The following CTNNA2 variants were observed in gnomAD, a reference collection of about 807,000 sequenced individuals.
CTNNA2 encodes the protein catenin alpha 2.
Under a neutral mutation model 101.0 loss-of-function variants are expected in CTNNA2, and 42 were observed. The ratio of observed to expected loss-of-function variants is 0.42; its 90% CI spans 0.32 to 0.54. The LOEUF is 0.54. CTNNA2 is among the 20% of genes least tolerant of loss of function. CTNNA2 has a pLI of 0.14. For synonymous variants in CTNNA2, 450 were observed against 456.4 expected, an observed-to-expected ratio of 0.99 and a Z score of 0.18; for missense variants, 871 against 1,223.1, an observed-to-expected ratio of 0.71 and a Z score of 4.29.
In CTNNA2 at chr2:79,662,952, C is replaced by T. The variant is rs561472743; in HGVS notation, c.102+11294C>T. Among the ~76,000 whole-genome samples, 53 of 152,288 alleles carry T rather than the reference C, an allele frequency of 3.5e-4. 1 individual carries two copies. The highest frequency in any genetic ancestry group is 1.2e-3 in the African/African-American group (51 of 41,568). Reference sequence around the variant, plus strand: ...TCCTGGCCTAGCCTTTAAATGTTCACGCTGTTCAGGCCTCCGACTTGGTTG... The same window carrying T: ...TCCTGGCCTAGCCTTTAAATGTTCATGCTGTTCAGGCCTCCGACTTGGTTG... On this transcript the variant is annotated intron_variant, in intron 2 of 18. Coordinates refer to ENST00000402739, the MANE Select transcript of CTNNA2 (RefSeq NM_001282597.3).
chr2:80,338,296 C>CTTTT (rs201060579), intron 7 of CTNNA2, among the ~76,000 whole-genome samples: 5 of 125,630 alleles, frequency 4.0e-5, no homozygotes, highest in Admixed American at 7.8e-5. Context: ...GCCTTTTTTT[C>CTTTT]TTTTTCTTTT....
intron 7 of CTNNA2, among the ~76,000 whole-genome samples, chr2:80,134,440 C>T (rs963501600): frequency 3.9e-5 from 6 of 152,258 alleles, no homozygotes; most frequent in African/African-American, 1.4e-4. Context: ...ATGCAACCCG[C>T]TAATGACCCA....
intron 12 of CTNNA2, among the ~76,000 whole-genome samples, chr2:80,563,237 T>C (rs1195587729): frequency 1.3e-5 from 2 of 152,076 alleles, no homozygotes; most frequent in African/African-American, 2.4e-5. Context: ...TCCACTGGAA[T>C]TGGTGGTCTG....
intron 6 of CTNNA2, among the ~76,000 whole-genome samples, chr2:79,904,797 T>C (rs1002121777): frequency 1.3e-5 from 2 of 152,206 alleles, no homozygotes; most frequent in African/African-American, 4.8e-5. Context: ...CGGTGTCTCA[T>C]TGTATACTGA....
At chr2:79,968,009 A>G (rs554356540) in intron 7 of CTNNA2, among the ~76,000 whole-genome samples, 2 of 152,322 alleles carry the variant, frequency 1.3e-5, no homozygotes, top group South Asian at 2.1e-4. Context: ...TGGCAAATCT[A>G]TAGAGAAAGA....
chr2:79,240,335 A>G (rs1674611346), intron 2 of CTNNA2, among the ~76,000 whole-genome samples: 1 of 151,922 alleles, frequency 6.6e-6, no homozygotes. Flanking sequence ...TAAGCATAGT[A>G]CCTGACAGGT....
chr2:80,047,880 G>A (rs1696629848), intron 7 of CTNNA2, among the ~76,000 whole-genome samples: 1 of 152,142 alleles, frequency 6.6e-6, no homozygotes, highest in Non-Finnish European at 1.5e-5. Context: ...AGATGCAGGA[G>A]CGTGAGCAAT....
chr2:80,477,789 CA>C (rs1371166663), intron 9 of CTNNA2, among the ~76,000 whole-genome samples: 1 of 150,844 alleles, frequency 6.6e-6, no homozygotes, highest in African/African-American at 2.4e-5. Context: ...ATTCACTCAT[CA>C]GTTCATGGGC....
chr2:80,362,637 TTTA>T (rs1674521952), intron 7 of CTNNA2, among the ~76,000 whole-genome samples: 1 of 95,636 alleles, frequency 1.0e-5, no homozygotes, highest in African/African-American at 5.5e-5. Flanking sequence ...ACTTAACGTT[TTTA>T]AAAGAGTCTC....
intron 4 of CTNNA2, among the ~76,000 whole-genome samples, chr2:79,486,109 A>G (rs1321572512): frequency 6.6e-6 from 1 of 152,092 alleles, no homozygotes; most frequent in African/African-American, 2.4e-5. Flanking sequence ...GTTTTAGGGT[A>G]CATGTGCACA....
At position 79,583,668 on chromosome 2, in the gene CTNNA2, C is replaced by T. The variant is rs370058023; in HGVS notation, c.-5-67884C>T. Among the ~76,000 whole-genome samples the T allele has an allele frequency of 7.9e-5, 12 of 152,214 alleles. No homozygotes were observed. In the East Asian group the frequency reaches 9.7e-4, roughly 12 times the overall value. On this transcript the variant is annotated intron_variant, in intron 1 of 18. Coordinates refer to ENST00000402739, the MANE Select transcript of CTNNA2 (RefSeq NM_001282597.3). ...GCCATATACGATCATTTCAATTGCT[C>T]TACATCTTTGCCAGTACTTGTTATT... is the stretch of plus-strand genomic sequence containing the variant.
chr2:80,632,323 GTAAC>G (rs1249954284), intron 18 of CTNNA2, among the ~76,000 whole-genome samples: 2 of 151,160 alleles, frequency 1.3e-5, no homozygotes, highest in African/African-American at 4.9e-5. Context: ...CAGTAAATAA[GTAAC>G]TAAAGATTTG....
At chr2:80,135,983 A>T (rs1702672315) in intron 7 of CTNNA2, among the ~76,000 whole-genome samples, 1 of 152,104 alleles carries the variant, frequency 6.6e-6, no homozygotes, top group Non-Finnish European at 1.5e-5. Flanking sequence ...GAGGATTTTG[A>T]AGTAGAGCGA....
At chr2:80,533,325 C>T (rs544408888) in intron 9 of CTNNA2, among the ~76,000 whole-genome samples, 2 of 152,148 alleles carry the variant, frequency 1.3e-5, no homozygotes, top group East Asian at 3.9e-4. Flanking sequence ...GCGGAGGCAT[C>T]CCCTCCGCAA....
intron 4 of CTNNA2, among the ~76,000 whole-genome samples, chr2:79,497,656 A>G (rs181193953): frequency 1.1e-3 from 167 of 152,320 alleles, no homozygotes; most frequent in African/African-American, 3.9e-3. Flanking sequence ...ATCTTCCACT[A>G]GAACACCCCA....
At chr2:80,306,404 C>CTTTTCTTTTCTTTTCT (rs111911483) in intron 7 of CTNNA2, among the ~76,000 whole-genome samples, 1 of 59,784 alleles carries the variant, frequency 1.7e-5, no homozygotes, top group East Asian at 4.4e-4. Flanking sequence ...CTTTTCTTTT[C>CTTTTCTTTTCTTTTCT]TTTCTTTCTT....
At chr2:79,654,791 G>T (rs1681495155) in intron 2 of CTNNA2, among the ~76,000 whole-genome samples, 1 of 152,104 alleles carries the variant, frequency 6.6e-6, no homozygotes, top group South Asian at 2.1e-4. Context: ...AAAAATTTCT[G>T]CAAGAAGCAC....
intron 7 of CTNNA2, among the ~76,000 whole-genome samples, chr2:80,040,676 A>G (rs1179990389): frequency 3.3e-5 from 5 of 152,224 alleles, no homozygotes; most frequent in African/African-American, 9.6e-5. Flanking sequence ...CCCACAGGCC[A>G]GCAGAGGGTC....
chr2:79,536,594 T>TGTGTGTGTGTGTGTGC (rs1673082743), intron 1 of CTNNA2, among the ~76,000 whole-genome samples: 6 of 152,210 alleles, frequency 3.9e-5, no homozygotes, highest in Admixed American at 2.0e-4. Context: ...TGTGTGTGTG[T>TGTGTGTGTGTGTGTGC]GTGTGTGTTT....
Sources: allele counts gnomAD v4.1 joint callset (sites outside exome capture counted in the v4.1 genomes callset), GRCh38; gene constraint gnomAD v4.1.1; transcripts MANE v1.5; gene names NCBI Gene and HGNC (gene_info 2026-07-23, HGNC 2026-07-21).